Variants in BRINP3 observed in about 807,000 individuals in gnomAD.
BRINP3 encodes BMP/retinoic acid-inducible neural-specific protein 3.
A neutral mutation model predicts 71.0 loss-of-function variants in BRINP3; 19 were observed. The observed-to-expected ratio is 0.27, with a 90% confidence interval of 0.19 to 0.39. The LOEUF is 0.39. Ranked by LOEUF, BRINP3 falls within the 10% of genes least tolerant of loss-of-function variation. The probability of loss-of-function intolerance (pLI) is 1.00; values close to 1 mark genes in which losing one functional copy is unlikely to be tolerated. For missense variants in BRINP3, 959 were observed against 940.8 expected (o/e 1.02, Z -0.25); for synonymous variants, 380 against 337.7 (o/e 1.13, Z -1.37).
intron 2 of BRINP3, among the ~76,000 whole-genome samples, chr1:190,380,412 C>G (rs760333819): frequency 4.6e-5 from 7 of 152,056 alleles, no homozygotes; most frequent in Non-Finnish European, 1.0e-4. Flanking sequence ...CATTTAATAT[C>G]TAAAGGAAGA....
chr1:190,344,448 C>T lies in BRINP3; in HGVS notation c.237-62698G>A, dbSNP rs183527096. ...AATTGGCCATCAACAACAGTACCCT[C>T]TCAAAACTTTTCAGTGCAAACATAA... On this transcript the variant is annotated intron_variant, in intron 2 of 7. Transcript: ENST00000367462. Among the ~76,000 whole-genome samples, 9 of 134,896 alleles carry T rather than the reference C, an allele frequency of 6.7e-5. No homozygotes were observed. The East Asian group carries it at 1.9e-3, about 29-fold the overall frequency. 88.5% of individuals were successfully genotyped at this position (134,896 alleles called of 152,430 possible).
chr1:190,367,794 CT>C (rs1414999337), intron 2 of BRINP3, among the ~76,000 whole-genome samples: 1 of 152,140 alleles, frequency 6.6e-6, no homozygotes, highest in Admixed American at 6.5e-5. Flanking sequence ...TCCCAAGTTC[CT>C]CATCAACATC....
At chr1:190,120,062 T>A (rs371892169) in intron 7 of BRINP3, among the ~76,000 whole-genome samples, 1 of 152,370 alleles carries the variant, frequency 6.6e-6, no homozygotes, top group East Asian at 1.9e-4. Context: ...TTTTACTTTT[T>A]AATTTATTTT....
chr1:190,418,203 C>G (rs12078989), intron 2 of BRINP3, among the ~76,000 whole-genome samples: 1 of 152,136 alleles, frequency 6.6e-6, no homozygotes, highest in African/African-American at 2.4e-5. Context: ...TTTAGCCCCC[C>G]ACCATGCCTG....
intron 2 of BRINP3, among the ~76,000 whole-genome samples, chr1:190,444,834 C>CA (rs1427123335): frequency 1.3e-5 from 2 of 151,988 alleles, no homozygotes; most frequent in Non-Finnish European, 2.9e-5. Flanking sequence ...CGCGCCTGGC[C>CA]AAAAATAGTA....
At chr1:190,361,868 T>A (rs750645832) in intron 2 of BRINP3, among the ~76,000 whole-genome samples, 26 of 152,138 alleles carry the variant, frequency 1.7e-4, no homozygotes, top group Admixed American at 7.2e-4. Flanking sequence ...TGGTGGTAAA[T>A]GTTTGAGTTC....
chr1:190,358,637 T>C (rs995798752), intron 2 of BRINP3, among the ~76,000 whole-genome samples: 6 of 152,132 alleles, frequency 3.9e-5, no homozygotes, highest in African/African-American at 1.4e-4. Context: ...AGAAATACCA[T>C]TTGACCCAGC....
chr1:190,237,713 G>A (rs564693504), intron 4 of BRINP3, among the ~76,000 whole-genome samples: 1 of 151,844 alleles, frequency 6.6e-6, no homozygotes, highest in Non-Finnish European at 1.5e-5. Flanking sequence ...TTTTCACACT[G>A]TATTTCTCAT....
At chr1:190,346,737 C>A (rs1668046794) in intron 2 of BRINP3, among the ~76,000 whole-genome samples, 1 of 152,090 alleles carries the variant, frequency 6.6e-6, no homozygotes, top group Non-Finnish European at 1.5e-5. Context: ...ACTTTATCCT[C>A]CCTAACAGCG....
intron 7 of BRINP3, among the ~76,000 whole-genome samples, chr1:190,128,457 A>G (rs111790832): frequency 6.6e-6 from 1 of 151,798 alleles, no homozygotes; most frequent in Non-Finnish European, 1.5e-5. Flanking sequence ...TTGATTTACA[A>G]TTGATGATGT....
At chr1:190,246,208 C>T (rs1225461843) in intron 4 of BRINP3, among the ~76,000 whole-genome samples, 2 of 151,700 alleles carry the variant, frequency 1.3e-5, no homozygotes, top group East Asian at 1.9e-4. Context: ...TTTTGTGTTC[C>T]TCTTCTTTCT....
chr1:190,231,179 C>A (rs1385981897), intron 5 of BRINP3, among the ~76,000 whole-genome samples: 2 of 151,672 alleles, frequency 1.3e-5, no homozygotes, highest in East Asian at 3.9e-4. Context: ...CTTAATAGGA[C>A]TTTTTTTGTC....
At chr1:190,313,800 C>G (rs932939110) in intron 2 of BRINP3, among the ~76,000 whole-genome samples, 1 of 152,012 alleles carries the variant, frequency 6.6e-6, no homozygotes, top group Non-Finnish European at 1.5e-5. Context: ...AGACAGAATT[C>G]TAACCCATAT....
At chr1:190,213,625 C>G (rs1328867401) in intron 6 of BRINP3, among the ~76,000 whole-genome samples, 1 of 151,976 alleles carries the variant, frequency 6.6e-6, no homozygotes, top group Non-Finnish European at 1.5e-5. Flanking sequence ...TTTCATGCCC[C>G]TTGCCATGAT....
At chr1:190,209,072 T>A (rs1413325755) in intron 6 of BRINP3, among the ~76,000 whole-genome samples, 10 of 152,110 alleles carry the variant, frequency 6.6e-5, no homozygotes, top group Admixed American at 5.9e-4. Context: ...TACTATGATT[T>A]TTTTGTAGAA....
chr1:190,107,319 C>T (rs1652259507), intron 7 of BRINP3, among the ~76,000 whole-genome samples: 1 of 151,804 alleles, frequency 6.6e-6, no homozygotes, highest in South Asian at 2.1e-4. Flanking sequence ...ACATATTTTC[C>T]ACACTTAAAA....
intron 2 of BRINP3, among the ~76,000 whole-genome samples, chr1:190,382,644 C>G (rs1670622092): frequency 6.6e-6 from 1 of 152,128 alleles, no homozygotes; most frequent in Admixed American, 6.6e-5. Flanking sequence ...CCAGAATATG[C>G]CATTCAAAGC....
intron 2 of BRINP3, among the ~76,000 whole-genome samples, chr1:190,400,510 C>T (rs976001308): frequency 1.3e-5 from 2 of 152,126 alleles, no homozygotes; most frequent in Non-Finnish European, 2.9e-5. Flanking sequence ...TTTCAAAAAA[C>T]TATCCAATGC....
chr1:190,373,184 G>A (rs1451468458), intron 2 of BRINP3, among the ~76,000 whole-genome samples: 3 of 152,100 alleles, frequency 2.0e-5, no homozygotes, highest in African/African-American at 7.2e-5. Flanking sequence ...GAGGTCAGGA[G>A]TTCCAGATCA....
Sources: gnomAD v4.1 joint callset for allele counts (sites outside exome capture counted in the v4.1 genomes callset) on GRCh38, gnomAD v4.1.1 for gene constraint, MANE v1.5 for transcripts, NCBI Gene and HGNC (gene_info 2026-07-23, HGNC 2026-07-21) for gene names.